ADGRB3: variants seen among roughly 807,000 people sequenced by gnomAD.
ADGRB3 encodes brain-specific angiogenesis inhibitor 3.
In ADGRB3, 37 loss-of-function variants were observed where a neutral mutation model predicts 193.4. That is an observed-to-expected ratio of 0.19 (90% CI 0.15 to 0.25). ADGRB3 has a LOEUF of 0.25. Among genes scored for constraint, ADGRB3 ranks in the 10% least tolerant of loss-of-function variants. The pLI is 1.00. For missense variants in ADGRB3, 1,637 were observed against 1,852.9 expected (o/e 0.88, Z 2.14); for synonymous variants, 690 against 644.2 (o/e 1.07, Z -1.08).
intron 20 of ADGRB3, among the ~76,000 whole-genome samples, chr6:69,252,000 C>G (rs1456719910): frequency 6.6e-6 from 1 of 152,082 alleles, no homozygotes; most frequent in Non-Finnish European, 1.5e-5. Context: ...TAACCAATAC[C>G]TGATCAAGAT....
chr6:68,641,120 C>G (rs1768074284), intron 3 of ADGRB3, among the ~76,000 whole-genome samples: 1 of 152,078 alleles, frequency 6.6e-6, no homozygotes, highest in Admixed American at 6.5e-5. Context: ...ACATAGGAAG[C>G]TGGTTTTTGT....
At chr6:69,190,182 T>G (rs1765158352) in intron 17 of ADGRB3, among the ~76,000 whole-genome samples, 1 of 152,244 alleles carries the variant, frequency 6.6e-6, no homozygotes, top group East Asian at 1.9e-4. Context: ...AACTATAAAG[T>G]AGCCTCGGGA....
chr6:68,988,820 T>C (rs964983212), intron 10 of ADGRB3, among the ~76,000 whole-genome samples: 1 of 152,044 alleles, frequency 6.6e-6, no homozygotes, highest in African/African-American at 2.4e-5. Context: ...CCTCATGAAG[T>C]AGAAAAACCC....
intron 3 of ADGRB3, among the ~76,000 whole-genome samples, chr6:68,856,317 G>A (rs911899685): frequency 1.3e-5 from 2 of 152,198 alleles, no homozygotes; most frequent in East Asian, 1.9e-4. Context: ...TGGGTAACAG[G>A]CATAGGTTTG....
intron 3 of ADGRB3, among the ~76,000 whole-genome samples, chr6:68,697,243 C>T (rs977479975): frequency 6.6e-5 from 10 of 151,640 alleles, no homozygotes; most frequent in Admixed American, 5.9e-4. Flanking sequence ...TTCAATTAAC[C>T]AGTTTCTTTG....
At chr6:69,157,462 C>T (rs1378180399) in intron 17 of ADGRB3, among the ~76,000 whole-genome samples, 1 of 152,096 alleles carries the variant, frequency 6.6e-6, no homozygotes, top group Non-Finnish European at 1.5e-5. Flanking sequence ...TGCTTCTTAA[C>T]CAAGAACCAT....
At chr6:69,052,123 C>T (rs1771415906) in intron 15 of ADGRB3, among the ~76,000 whole-genome samples, 1 of 152,104 alleles carries the variant, frequency 6.6e-6, no homozygotes, top group African/African-American at 2.4e-5. Flanking sequence ...TTTCTGACCT[C>T]GTGATCTGCC....
chr6:68,642,707 A>G (rs779416347), intron 3 of ADGRB3, among the ~76,000 whole-genome samples: 1 of 149,674 alleles, frequency 6.7e-6, no homozygotes, highest in Non-Finnish European at 1.5e-5. Context: ...GTGAAAGCCA[A>G]CTAAGTTAAC....
intron 15 of ADGRB3, among the ~76,000 whole-genome samples, chr6:69,055,574 T>C (rs1253101592): frequency 2.0e-5 from 3 of 152,220 alleles, no homozygotes; most frequent in African/African-American, 4.8e-5. Flanking sequence ...CTCTTGGCAA[T>C]TGTCAATTAC....
At chr6:69,217,813 T>C (rs1381949879) in intron 17 of ADGRB3, among the ~76,000 whole-genome samples, 1 of 152,156 alleles carries the variant, frequency 6.6e-6, no homozygotes. Context: ...CTCCCTGACG[T>C]AGATCTGAGA....
At chr6:69,254,969 G>C (rs1202839731) in intron 20 of ADGRB3, among the ~76,000 whole-genome samples, 1 of 148,644 alleles carries the variant, frequency 6.7e-6, no homozygotes, top group Non-Finnish European at 1.5e-5. Context: ...TTGGTTTTTT[G>C]TTCTTGCGAT....
chr6:68,696,698 A>G (rs1311326049), intron 3 of ADGRB3, among the ~76,000 whole-genome samples: 1 of 152,032 alleles, frequency 6.6e-6, no homozygotes, highest in African/African-American at 2.4e-5. Context: ...CTTGGCTCCA[A>G]ATAGTTAAAT....
chr6:68,756,977 A>G (rs1766309728), intron 3 of ADGRB3, among the ~76,000 whole-genome samples: 2 of 152,104 alleles, frequency 1.3e-5, no homozygotes, highest in Admixed American at 6.6e-5. Flanking sequence ...CTTCCTCTAA[A>G]TAGTGGTTAC....
chr6:68,644,651 A>C (rs542406772), intron 3 of ADGRB3, among the ~76,000 whole-genome samples: 1 of 152,308 alleles, frequency 6.6e-6, no homozygotes, highest in East Asian at 1.9e-4. Context: ...GAATATTATT[A>C]AAATTATAGG....
intron 17 of ADGRB3, among the ~76,000 whole-genome samples, chr6:69,137,782 G>A (rs946964374): frequency 6.6e-6 from 1 of 152,128 alleles, no homozygotes; most frequent in Non-Finnish European, 1.5e-5. Flanking sequence ...GGGCGACAGA[G>A]CAAGACTCTG....
chr6:69,362,420 G>A (rs1184950735), intron 29 of ADGRB3, among the ~76,000 whole-genome samples: 1 of 151,902 alleles, frequency 6.6e-6, no homozygotes, highest in Non-Finnish European at 1.5e-5. Flanking sequence ...GTATGTTCAA[G>A]TGTCCAAAAG....
chr6:69,334,027 T>C (rs1768788902), intron 24 of ADGRB3, among the ~76,000 whole-genome samples: 1 of 150,410 alleles, frequency 6.6e-6, no homozygotes, highest in Admixed American at 6.6e-5. Context: ...AAAAAATATG[T>C]ATATATAATG....
chr6:68,983,291 C>T (rs1260336093), intron 10 of ADGRB3, among the ~76,000 whole-genome samples: 1 of 151,616 alleles, frequency 6.6e-6, no homozygotes, highest in African/African-American at 2.4e-5. Flanking sequence ...AAGCTTCTCC[C>T]AAAGTATGCC....
chr6:68,699,911 A>G (rs925592717), intron 3 of ADGRB3, among the ~76,000 whole-genome samples: 1 of 152,154 alleles, frequency 6.6e-6, no homozygotes, highest in Non-Finnish European at 1.5e-5. Flanking sequence ...GATATTTCTC[A>G]GGTACCTCCT....
Sources: gnomAD v4.1 joint callset for allele counts (sites outside exome capture counted in the v4.1 genomes callset) on GRCh38, gnomAD v4.1.1 for gene constraint, MANE v1.5 for transcripts, NCBI Gene and HGNC (gene_info 2026-07-23, HGNC 2026-07-21) for gene names.